Variants in SIGIRR observed in about 807,000 individuals in gnomAD.
The protein encoded by SIGIRR is single Ig and TIR domain containing, also known as single Ig IL-1-related receptor.
SIGIRR carries 41 observed loss-of-function variants against 45.6 expected under a neutral mutation model. That is an observed-to-expected ratio of 0.90 (90% CI 0.70 to 1.17). SIGIRR has a LOEUF of 1.17. SIGIRR is among the 50% of genes most tolerant of loss of function. The probability of loss-of-function intolerance (pLI) is 0.00; values close to 1 mark genes in which losing one functional copy is unlikely to be tolerated. For missense variants in SIGIRR, 599 were observed against 539.6 expected (o/e 1.11, Z -1.09); for synonymous variants, 298 against 239.0 (o/e 1.25, Z -2.28).
At chr11:414,313 T>G (rs1590394340) in intron 1 of SIGIRR, among the ~76,000 whole-genome samples, 1 of 45,814 alleles carries the variant, frequency 2.2e-5, no homozygotes, top group African/African-American at 9.2e-5. Context: ...CCCTGCACCC[T>G]CTCCCCTCCC....
chr11:416,918 G>A (rs1371414627), upstream of SIGIRR, among the ~76,000 whole-genome samples: 1 of 152,158 alleles, frequency 6.6e-6, no homozygotes, highest in Non-Finnish European at 1.5e-5. This position sits in a 1 kb window ranked among gnomAD's most constrained non-coding sequence, Gnocchi z 9.1. Context: ...GGGCGAGCTC[G>A]GGCCCCAGCC....
intron 5 of SIGIRR, 52 bp downstream of exon 5, chr11:407,765 T>C (rs924486634): frequency 1.9e-6 from 3 of 1,608,778 alleles, no homozygotes; most frequent in Non-Finnish European, 1.7e-6. Context: ...AGCAGCGCAC[T>C]CTCAGGGAGG....
Position 405,749 on chromosome 11 carries a change from G to A in SIGIRR, c.*147C>T. The A allele has an allele frequency of 1.1e-6, 1 of 940,500 alleles. No individual in the cohort carries two copies. Among genetic ancestry groups the A allele is most frequent in the South Asian group, 1.9e-5 (1 of 52,554 alleles). The allele number at this position is 940,500 out of a possible 1,614,324, so 58.3% of individuals were successfully genotyped here. ...AAAAGGACTTTATTTTCTGGCACTG[G>A]GAGGCGCCCTGAGGCCACAGCCTTT... On this transcript the variant is annotated 3_prime_UTR_variant, in exon 10 of 10. Transcript: ENST00000431843.
rs1847274465 is a variant in SIGIRR, at chr11:405,997, C to T, written c.1132G>A (p.Gly378Arg). 1.9e-6 allele frequency: 3 copies of T among 1,611,202 alleles called. No homozygotes were observed. Among genetic ancestry groups the T allele is most frequent in the African/African-American group, 1.3e-5 (1 of 74,998 alleles). ...APPHTSGVSL[G>R]ESRSSEVDVS... ...TCCACTTCGCTGCTCCGGCTCTCTC[C>T]CAGCGAGACCCCACTGGTGTGCGGT... The change falls in exon 10 of 10, where the codon GGA (glycine) becomes AGA (arginine). Residue 378 changes from glycine to arginine, a missense_variant. Transcript: ENST00000431843.
intron 6 of SIGIRR, 104 bp from the exon 7 acceptor site, chr11:407,268 GCCT>G: frequency 1.7e-6 from 1 of 592,272 alleles, no homozygotes; most frequent in South Asian, 2.3e-5. Context: ...GAGGGGCGGG[GCCT>G]GCGGGGTGGG....
chr11:413,526 AC>A (rs1847765159), intron 1 of SIGIRR, among the ~76,000 whole-genome samples: 1 of 151,820 alleles, frequency 6.6e-6, no homozygotes, highest in African/African-American at 2.4e-5. Context: ...CCAAGCTCAG[AC>A]CTCAAAGTCC....
At chr11:412,731 G>A (rs1847720912) in intron 1 of SIGIRR, among the ~76,000 whole-genome samples, 1 of 151,606 alleles carries the variant, frequency 6.6e-6, no homozygotes, top group Non-Finnish European at 1.5e-5. Context: ...CAGTCGAGGG[G>A]GGGTGCCCAG....
rs1021696942 is a variant in SIGIRR, at chr11:409,892, T to G, written c.-18A>C. ...CCTGGCATGGCTCTGAGCCGGGGCC[T>G]CCTCGGGGCAGGCTGGGCTCCAGGG... is the stretch of plus-strand genomic sequence containing the variant. On this transcript the variant is annotated 5_prime_UTR_variant, in exon 2 of 10. Coordinates refer to ENST00000431843, the MANE Select transcript of SIGIRR (RefSeq NM_001135054.2). 7.6e-7 allele frequency: 1 copy of G among 1,316,038 alleles called. No individual in the cohort carries two copies. Among genetic ancestry groups the G allele is most frequent in the African/African-American group, 1.5e-5 (1 of 65,540 alleles). The allele number at this position is 1,316,038 out of a possible 1,614,324, so 81.5% of individuals were successfully genotyped here.
chr11:413,052 T>C (rs1267963595), intron 1 of SIGIRR, among the ~76,000 whole-genome samples: 1 of 152,092 alleles, frequency 6.6e-6, no homozygotes, highest in East Asian at 1.9e-4. Flanking sequence ...GGTCACCCTG[T>C]TTATCCAACA....
At chr11:410,308 G>A (rs908779255) in intron 1 of SIGIRR, among the ~76,000 whole-genome samples, 4 of 152,118 alleles carry the variant, frequency 2.6e-5, no homozygotes, top group Non-Finnish European at 4.4e-5. Context: ...TGCAGTGGAC[G>A]AACACTAGGT....
At position 407,047 on chromosome 11, in the gene SIGIRR, C is replaced by T. The variant is rs1345472979; in HGVS notation, c.728+15G>A. ...GTGCTACGCTGGGGCCCACCCAACC[C>T]CGCGCGGGACCCACCGGAAGCTGTG... On this transcript the variant is annotated intron_variant, in intron 7 of 9. Coordinates refer to ENST00000431843, the MANE Select transcript of SIGIRR (RefSeq NM_001135054.2). 1 of 1,575,574 alleles carries T rather than the reference C, an allele frequency of 6.3e-7. No homozygotes were observed. The highest frequency in any genetic ancestry group is 8.6e-7 in the Non-Finnish European group (1 of 1,167,226).
Position 408,701 on chromosome 11 carries a change from T to C in SIGIRR, c.200A>G (p.Tyr67Cys). Residue 67 changes from tyrosine (Y) to cysteine (C), a missense_variant, in exon 3 of 10, where the codon TAC becomes TGC. Transcript: ENST00000431843. Reference sequence around the variant, plus strand: ...GGATACCCGGGTCTCTTACCAGGAGTACTCGTGGAGGCTGTAGTGGCCCCC... The same window carrying C: ...GGATACCCGGGTCTCTTACCAGGAGCACTCGTGGAGGCTGTAGTGGCCCCC... ...GIGGHYSLHE[Y>C]SWVKANLSEV... The C allele has an allele frequency of 6.2e-7, 1 of 1,612,448 alleles. No individual in the cohort carries two copies. The highest frequency in any genetic ancestry group is 1.1e-5 in the South Asian group (1 of 91,060).
Position 408,037 on chromosome 11 carries a change from C to A in SIGIRR, c.340+36G>T. The stretch of plus-strand genomic sequence containing the variant: ...TCCCTGGGCCTCACTAGGTCTAGGT[C>A]CCCTTCTACCCTCCACCTTGGGGAA... On this transcript the variant is annotated intron_variant, in intron 4 of 9. Coordinates refer to ENST00000431843, the MANE Select transcript of SIGIRR (RefSeq NM_001135054.2). 1.2e-6 allele frequency: 2 copies of A among 1,611,264 alleles called. No homozygotes were observed. Among genetic ancestry groups the A allele is most frequent in the Non-Finnish European group, 1.7e-6 (2 of 1,179,144 alleles).
At chr11:409,256 TAGG>T (rs1847485810) in intron 2 of SIGIRR, 1 of 433,920 alleles carries the variant, frequency 2.3e-6, no homozygotes, top group Admixed American at 3.1e-5. Context: ...GCCTGTCTCA[TAGG>T]AGGGGCCGGG....
intron 2 of SIGIRR, 68 bp downstream of exon 2, chr11:409,800 T>G (rs576079864): frequency 2.6e-5 from 36 of 1,363,926 alleles, no homozygotes; most frequent in South Asian, 2.2e-4. Flanking sequence ...ATGCACAATG[T>G]GGAGCCAGCC....
chr11:408,212 G>A lies in SIGIRR; in HGVS notation c.207-6C>T, dbSNP rs750417412. 7 of 1,612,150 alleles carry A rather than the reference G, an allele frequency of 4.3e-6. No individual in the cohort carries two copies. Among genetic ancestry groups the A allele is most frequent in the South Asian group, 1.1e-5 (1 of 91,086 alleles). Reference sequence around the variant, plus strand: ...CTGACAGGTTGGCCTTGACCCTGGGGATACCAAGCCAGGGTCAGGGTCGAC... The same window carrying A: ...CTGACAGGTTGGCCTTGACCCTGGGAATACCAAGCCAGGGTCAGGGTCGAC... On this transcript the variant is annotated splice_region_variant and splice_polypyrimidine_tract_variant and intron_variant, in intron 3 of 9. Coordinates refer to ENST00000431843, the MANE Select transcript of SIGIRR (RefSeq NM_001135054.2).
Position 414,922 on chromosome 11 carries a change from A to AG in SIGIRR, c.-254_-253insC. 1 of 978,490 alleles carries AG rather than the reference A, an allele frequency of 1.0e-6. No individual in the cohort carries two copies. Among genetic ancestry groups the AG allele is most frequent in the Non-Finnish European group, 1.2e-6 (1 of 823,596 alleles). 60.6% of individuals were successfully genotyped at this position (978,490 alleles called of 1,614,324 possible). A position where few individuals can be genotyped will look rare whatever the true frequency, so the allele number is the denominator to read the frequency against. ...CTGGGCCCCAGGGAGTGTCCACAGC[A>AG]CCAAGGCTGCTATGGATGCATCGCC... On this transcript the variant is annotated 5_prime_UTR_variant, in exon 1 of 10. Transcript: ENST00000431843.
Position 407,121 on chromosome 11 carries a change from G to GTTAT in SIGIRR, c.668_669insATAA (p.Leu224Ter). ...AGGCGTCCGAAAGCACCACGATGAG[G>GTTAT]CGTCGGCAGCGGCTCAGGTTCACCA... On this transcript the variant is annotated stop_gained and frameshift_variant, in exon 7 of 10. Coordinates refer to ENST00000431843, the MANE Select transcript of SIGIRR (RefSeq NM_001135054.2). LOFTEE classifies it high-confidence loss of function. The GTTAT allele has an allele frequency of 6.5e-7, 1 of 1,529,666 alleles. No individual in the cohort carries two copies. Among genetic ancestry groups the GTTAT allele is most frequent in the Non-Finnish European group, 8.7e-7 (1 of 1,143,760 alleles). 94.8% of individuals were successfully genotyped at this position (1,529,666 alleles called of 1,614,324 possible).
chr11:415,249 T>TGC (rs1554925575), upstream of SIGIRR, among the ~76,000 whole-genome samples: 3 of 119,044 alleles, frequency 2.5e-5, no homozygotes, highest in Non-Finnish European at 5.2e-5. The surrounding 1 kb of genome is among the most constrained non-coding windows in gnomAD (Gnocchi z 6.6). Context: ...TGTGTGTGTG[T>TGC]GCAGTGTGTC....
Sources: gnomAD v4.1 joint callset for allele counts (sites outside exome capture counted in the v4.1 genomes callset) on GRCh38, gnomAD v4.1.1 for gene constraint, Gnocchi (gnomAD v3.1) non-coding constraint, MANE v1.5 for transcripts, NCBI Gene and HGNC (gene_info 2026-07-23, HGNC 2026-07-21) for gene names.